The following NRG3 variants were observed in gnomAD, a reference collection of about 807,000 sequenced individuals.
The protein encoded by NRG3 is pro-neuregulin-3, membrane-bound isoform.
In NRG3, 31 loss-of-function variants were observed where a neutral mutation model predicts 66.9. That is an observed-to-expected ratio of 0.46 (90% CI 0.35 to 0.63). The LOEUF (loss-of-function observed/expected upper bound fraction) is 0.63, where lower values mean the gene tolerates loss of function less well. NRG3 is among the 20% of genes least tolerant of loss of function. NRG3 has a pLI of 0.00. For synonymous variants in NRG3, 393 were observed against 359.4 expected (o/e 1.09, Z -1.06); for missense variants, 910 against 878.9 (o/e 1.04, Z -0.45).
intron 2 of NRG3, among the ~76,000 whole-genome samples, chr10:82,727,872 A>G (rs1450220334): frequency 6.6e-6 from 1 of 152,182 alleles, no homozygotes; most frequent in Non-Finnish European, 1.5e-5. Context: ...GCCCAAGACC[A>G]TAGGAACCCA....
At chr10:82,429,255 A>T (rs2089643065) in intron 2 of NRG3, among the ~76,000 whole-genome samples, 1 of 152,006 alleles carries the variant, frequency 6.6e-6, no homozygotes, top group Non-Finnish European at 1.5e-5. Context: ...AAACAAGTAT[A>T]TTTATATTAT....
At position 82,795,048 on chromosome 10, in the gene NRG3, TA is replaced by T. The variant is rs557897891; in HGVS notation, c.1027+56403del. 5.4e-4 allele frequency among the ~76,000 whole-genome samples: 82 copies of T among 152,306 alleles called. 1 individual carries two copies. The highest frequency in any genetic ancestry group is 9.4e-4 in the Non-Finnish European group (64 of 68,002). On this transcript the variant is annotated intron_variant, in intron 3 of 8. Coordinates refer to ENST00000372141, the MANE Select transcript of NRG3 (RefSeq NM_001010848.4). The stretch of plus-strand genomic sequence containing the variant: ...AGAGGGAATATATAAAACTCACGTA[TA>T]AAAATACAGAAGTAAAATGAAGATC...
intron 1 of NRG3, among the ~76,000 whole-genome samples, chr10:82,225,883 T>C (rs1344741322): frequency 1.3e-5 from 2 of 152,296 alleles, no homozygotes; most frequent in Non-Finnish European, 2.9e-5. Flanking sequence ...TTGAAGTATA[T>C]TAAGATCACG....
At chr10:82,881,435 T>C (rs1842289923) in intron 4 of NRG3, among the ~76,000 whole-genome samples, 1 of 152,366 alleles carries the variant, frequency 6.6e-6, no homozygotes, top group Admixed American at 6.5e-5. Context: ...TTCAGACTGC[T>C]AACTTCAGTC....
intron 2 of NRG3, among the ~76,000 whole-genome samples, chr10:82,521,202 A>C (rs1006938502): frequency 1.3e-5 from 2 of 152,198 alleles, no homozygotes; most frequent in Non-Finnish European, 2.9e-5. Flanking sequence ...TACCTTAATT[A>C]AAACATTTTA....
At chr10:82,957,897 TG>T (rs1470051764) in intron 5 of NRG3, among the ~76,000 whole-genome samples, 11 of 145,926 alleles carry the variant, frequency 7.5e-5, no homozygotes, top group African/African-American at 2.7e-4. Context: ...GGTGTGCGTG[TG>T]TGTGTGTGTG....
At chr10:81,920,642 C>A (rs1343882765) in intron 1 of NRG3, among the ~76,000 whole-genome samples, 1 of 152,120 alleles carries the variant, frequency 6.6e-6, no homozygotes, top group South Asian at 2.1e-4. Flanking sequence ...ATTATGCCAA[C>A]CCCAGAAAGC....
chr10:82,042,327 A>T (rs2064624), intron 1 of NRG3, among the ~76,000 whole-genome samples: 8 of 151,748 alleles, frequency 5.3e-5, no homozygotes, highest in Non-Finnish European at 1.0e-4. Context: ...AGTAGCTTTC[A>T]CATTTATCTT....
intron 3 of NRG3, among the ~76,000 whole-genome samples, chr10:82,782,900 A>C (rs2060179057): frequency 6.6e-6 from 1 of 152,180 alleles, no homozygotes; most frequent in Admixed American, 6.6e-5. Flanking sequence ...GCAGAGACAA[A>C]ACCAAAAAAG....
At chr10:82,129,471 A>G (rs909443874) in intron 1 of NRG3, among the ~76,000 whole-genome samples, 5 of 152,210 alleles carry the variant, frequency 3.3e-5, no homozygotes, top group African/African-American at 1.2e-4. Flanking sequence ...ATATTTTGAT[A>G]CAGGTGTGCA....
intron 2 of NRG3, among the ~76,000 whole-genome samples, chr10:82,615,381 G>A (rs933993126): frequency 1.3e-5 from 2 of 152,038 alleles, no homozygotes. Flanking sequence ...TTGAATTATT[G>A]TATCTATTTT....
intron 2 of NRG3, among the ~76,000 whole-genome samples, chr10:82,721,886 A>G (rs1454548419): frequency 2.0e-5 from 3 of 151,950 alleles, no homozygotes; most frequent in Non-Finnish European, 4.4e-5. Flanking sequence ...CTCATTATGC[A>G]ATCTTGCCCA....
chr10:82,331,993 G>T (rs913329429), intron 1 of NRG3, among the ~76,000 whole-genome samples: 17 of 152,310 alleles, frequency 1.1e-4, no homozygotes, highest in African/African-American at 4.1e-4. Flanking sequence ...CTAACAGAGA[G>T]AAGTGGATAG....
chr10:81,916,398 G>C (rs1446429452), intron 1 of NRG3, among the ~76,000 whole-genome samples: 1 of 152,150 alleles, frequency 6.6e-6, no homozygotes, highest in Non-Finnish European at 1.5e-5. Context: ...TAAAGTTTCT[G>C]GATATCTGTT....
At chr10:82,706,233 G>T (rs528562387) in intron 2 of NRG3, among the ~76,000 whole-genome samples, 1 of 152,266 alleles carries the variant, frequency 6.6e-6, no homozygotes, top group East Asian at 1.9e-4. Flanking sequence ...TGGGTGGTTA[G>T]GGCAACAGAA....
intron 1 of NRG3, among the ~76,000 whole-genome samples, chr10:82,310,669 G>A (rs573317678): frequency 3.1e-4 from 47 of 151,942 alleles, no homozygotes; most frequent in Admixed American, 6.6e-4. Context: ...TTTTCATTGC[G>A]AAATACCGTA....
At chr10:82,033,108 T>A (rs1017536979) in intron 1 of NRG3, among the ~76,000 whole-genome samples, 1 of 152,012 alleles carries the variant, frequency 6.6e-6, no homozygotes, top group Admixed American at 6.6e-5. Context: ...AATGTGAAAA[T>A]TGAAGGAAAA....
At chr10:82,696,624 G>A (rs1435759077) in intron 2 of NRG3, among the ~76,000 whole-genome samples, 1 of 152,176 alleles carries the variant, frequency 6.6e-6, no homozygotes, top group Non-Finnish European at 1.5e-5. Flanking sequence ...AGCAACAAGA[G>A]TGTTGCAGGG....
rs186810291 is a variant in NRG3, at chr10:81,950,059, A to G, written c.823+73896A>G. On this transcript the variant is annotated intron_variant, in intron 1 of 8. Transcript: ENST00000372141. Reference sequence around the variant, plus strand: ...TCGAAGACCAACTCTTGAGGCGTATATGATTTGCATAGAGGTTCCAATGTG... The same window carrying G: ...TCGAAGACCAACTCTTGAGGCGTATGTGATTTGCATAGAGGTTCCAATGTG... 1.4e-3 allele frequency among the ~76,000 whole-genome samples: 213 copies of G among 152,306 alleles called. 1 individual carries two copies. Among genetic ancestry groups the G allele is most frequent in the Middle Eastern group, 0.01 (3 of 294 alleles).
Sources: gnomAD v4.1 joint callset for allele counts (sites outside exome capture counted in the v4.1 genomes callset) on GRCh38, gnomAD v4.1.1 for gene constraint, MANE v1.5 for transcripts, NCBI Gene and HGNC (gene_info 2026-07-23, HGNC 2026-07-21) for gene names.